The following RSF1 variants were observed in gnomAD, a reference collection of about 807,000 sequenced individuals.
The protein encoded by RSF1 is HBV pX-associated protein 8.
A neutral mutation model predicts 145.2 loss-of-function variants in RSF1; 13 were observed. The observed-to-expected ratio is 0.09, with a 90% CI of 0.06 to 0.14. The LOEUF (loss-of-function observed/expected upper bound fraction) is 0.14, where lower values mean the gene tolerates loss of function less well. Ranked by LOEUF, RSF1 falls within the 10% of genes least tolerant of loss-of-function variation. The probability of loss-of-function intolerance (pLI) is 1.00; values close to 1 mark genes in which losing one functional copy is unlikely to be tolerated. For missense variants in RSF1, 1,517 were observed against 1,718.2 expected, an observed-to-expected ratio of 0.88 and a Z score of 2.07; for synonymous variants, 577 against 592.6, an observed-to-expected ratio of 0.97 and a Z score of 0.38.
intron 9 of RSF1, among the ~76,000 whole-genome samples, chr11:77,685,717 T>C (rs1959986275): frequency 6.6e-6 from 1 of 152,176 alleles, no homozygotes; most frequent in Non-Finnish European, 1.5e-5. Context: ...ATAAAACCTA[T>C]AACTGAAATA....
At chr11:77,744,818 A>G (rs1396559552) in intron 3 of RSF1, among the ~76,000 whole-genome samples, 1 of 152,226 alleles carries the variant, frequency 6.6e-6, no homozygotes, top group Non-Finnish European at 1.5e-5. Context: ...GCCTTCTAAA[A>G]TTAGTCTGGA....
rs192701061 is a variant in RSF1, at chr11:77,678,228, T to C, written c.3066-75A>G. On this transcript the variant is annotated intron_variant, in intron 11 of 15. Coordinates refer to ENST00000308488, the MANE Select transcript of RSF1 (RefSeq NM_016578.4). The stretch of plus-strand genomic sequence containing the variant: ...TTTTTTTTTAATTATTTTTATTTAT[T>C]TATTTTTGAGACGGAGTCTCTCTTT... 6.8e-4 allele frequency: 586 copies of C among 863,240 alleles called. 8 individuals are homozygous for C. In the African/African-American group the frequency reaches 9.7e-3, roughly 14 times the overall value. 53.5% of individuals were successfully genotyped at this position (863,240 alleles called of 1,614,324 possible).
chr11:77,683,611 A>G (rs1259639034), intron 11 of RSF1, 99 bp downstream of exon 11: 2 of 723,310 alleles, frequency 2.8e-6, no homozygotes, highest in African/African-American at 3.5e-5. Context: ...ATACAACTGC[A>G]ATAATCAGCA....
At chr11:77,724,712 G>A (rs967983900) in intron 5 of RSF1, among the ~76,000 whole-genome samples, 4 of 152,100 alleles carry the variant, frequency 2.6e-5, no homozygotes, top group African/African-American at 9.7e-5. Context: ...AGATTCTCAT[G>A]AGGAGTGTGC....
At chr11:77,802,171 C>G (rs1465238009) in intron 1 of RSF1, among the ~76,000 whole-genome samples, 2 of 152,088 alleles carry the variant, frequency 1.3e-5, no homozygotes, top group Non-Finnish European at 2.9e-5. Flanking sequence ...CATAATAAAG[C>G]TGAAACAGAA....
the RSF1 span, among the ~76,000 whole-genome samples, chr11:77,828,618 C>T: frequency 4.0e-5 from 6 of 150,690 alleles, no homozygotes; most frequent in South Asian, 8.4e-4. Flanking sequence ...TTGCAGTGAG[C>T]CAAGATCGCA....
chr11:77,756,383 CTTTTCAA>C (rs944716679), intron 2 of RSF1, among the ~76,000 whole-genome samples: 2 of 147,886 alleles, frequency 1.4e-5, no homozygotes, highest in African/African-American at 2.5e-5. Context: ...AAAAGAAAAA[CTTTTCAA>C]TTCTTACTAC....
upstream of RSF1, among the ~76,000 whole-genome samples, chr11:77,823,508 C>G (rs1488706506): frequency 6.6e-6 from 1 of 150,684 alleles, no homozygotes; most frequent in Non-Finnish European, 1.5e-5. Flanking sequence ...AGCAGGAGGA[C>G]CCCTTGAGCC....
Position 77,675,152 on chromosome 11 carries a change from C to T in RSF1, c.3446G>A (p.Arg1149Lys). 6.2e-7 allele frequency: 1 copy of T among 1,614,156 alleles called. No homozygotes were observed. The highest frequency in any genetic ancestry group is 1.1e-5 in the South Asian group (1 of 91,072). ...CCTCATTGGCCGAGAGGGGTGTCGCCTCAGTCTACGGCTACAAAAGTCAGT... is the reference window on the plus strand; with the variant it reads ...CCTCATTGGCCGAGAGGGGTGTCGCTTCAGTCTACGGCTACAAAAGTCAGT... ...SDTDFCSRRL[R>K]RHPSRPMRQS... Residue 1149 changes from arginine (R) to lysine (K), a missense_variant, in exon 14 of 16, where the codon AGG becomes AAG. Arg to Lys is a conservative substitution (Grantham distance 26, BLOSUM62 2). Transcript: ENST00000308488.
the RSF1 span, among the ~76,000 whole-genome samples, chr11:77,827,271 G>A: frequency 2.6e-5 from 4 of 152,248 alleles, no homozygotes; most frequent in Non-Finnish European, 5.9e-5. Flanking sequence ...CTAGAAGAGA[G>A]GGAACACTTC....
At chr11:77,838,690 C>T in the RSF1 span, among the ~76,000 whole-genome samples, 2 of 147,520 alleles carry the variant, frequency 1.4e-5, no homozygotes, top group African/African-American at 5.0e-5. Context: ...TATCTGGGCT[C>T]ACTGTAAGCT....
chr11:77,793,490 AAAG>A (rs1948541437), intron 1 of RSF1, among the ~76,000 whole-genome samples: 1 of 152,236 alleles, frequency 6.6e-6, no homozygotes, highest in African/African-American at 2.4e-5. Context: ...CCTCAAAAAA[AAAG>A]AAAAAACAAG....
chr11:77,701,721 T>C lies in RSF1; in HGVS notation c.1508A>G (p.Glu503Gly). Residue 503 changes from glutamate (E) to glycine (G), a missense_variant, in exon 6 of 16, where the codon GAG becomes GGG. Around this residue, in one of 12 missense-constraint regions of RSF1, gnomAD observed 579 missense variants for 553.5 expected, o/e 1.05. Transcript: ENST00000308488. Reference sequence around the variant, plus strand: ...TTTCCTCAAAGGGGCTGTTTCTTTCTCAAGCTCACCTGTTTTCATACTTGT... The same window carrying C: ...TTTCCTCAAAGGGGCTGTTTCTTTCCCAAGCTCACCTGTTTTCATACTTGT... Reference protein sequence around the residue: ...VITSMKTGELEKETAPLRKDA... With the variant: ...VITSMKTGELGKETAPLRKDA... 6.2e-7 allele frequency: 1 copy of C among 1,613,706 alleles called. No homozygotes were observed. The highest frequency in any genetic ancestry group is 8.5e-7 in the Non-Finnish European group (1 of 1,179,968).
In RSF1 at chr11:77,772,736, A is replaced by C. The variant is rs190826666; in HGVS notation, c.188-8047T>G. Reference sequence around the variant, plus strand: ...TTATTTATTTGCCTTATAACAAGGCAACAATTGATAATACCATCTTAGAAT... The same window carrying C: ...TTATTTATTTGCCTTATAACAAGGCCACAATTGATAATACCATCTTAGAAT... On this transcript the variant is annotated intron_variant, in intron 1 of 15. Coordinates refer to ENST00000308488, the MANE Select transcript of RSF1 (RefSeq NM_016578.4). Among the ~76,000 whole-genome samples, 507 of 152,126 alleles carry C rather than the reference A, an allele frequency of 3.3e-3. 1 individual carries two copies. The highest frequency in any genetic ancestry group is 5.6e-3 in the Non-Finnish European group (379 of 68,004).
At chr11:77,673,309 T>C (rs1042338210) in intron 14 of RSF1, among the ~76,000 whole-genome samples, 1 of 152,260 alleles carries the variant, frequency 6.6e-6, no homozygotes, top group African/African-American at 2.4e-5. Flanking sequence ...GCATTGTTCC[T>C]GTCATCTCTG....
intron 15 of RSF1, among the ~76,000 whole-genome samples, chr11:77,668,957 G>A (rs1959447376): frequency 6.6e-6 from 1 of 152,118 alleles, no homozygotes; most frequent in Admixed American, 6.6e-5. Flanking sequence ...CCAGACTAGT[G>A]TATCAAACTG....
At chr11:77,671,053 C>A (rs1228778034) in intron 15 of RSF1, among the ~76,000 whole-genome samples, 2 of 128,924 alleles carry the variant, frequency 1.6e-5, no homozygotes, top group Non-Finnish European at 3.1e-5. Context: ...TTGCAGTGAG[C>A]CAAGATCACA....
chr11:77,719,894 T>C (rs1590849140), intron 5 of RSF1, among the ~76,000 whole-genome samples: 1 of 152,196 alleles, frequency 6.6e-6, no homozygotes, highest in African/African-American at 2.4e-5. Context: ...GGCCACATGC[T>C]GTATGATTCT....
upstream of RSF1, chr11:77,820,729 TGGA>T: frequency 1.3e-6 from 2 of 1,542,412 alleles, no homozygotes; most frequent in Non-Finnish European, 1.7e-6. Flanking sequence ...AACTGGAGGA[TGGA>T]GGAGGAGGCG....
Sources: allele counts gnomAD v4.1 joint callset (sites outside exome capture counted in the v4.1 genomes callset), GRCh38; gene constraint gnomAD v4.1.1; regional missense constraint gnomAD v4.1.1; transcripts MANE v1.5; gene names NCBI Gene and HGNC (gene_info 2026-07-23, HGNC 2026-07-21).